RASA1: variants seen among roughly 807,000 people sequenced by gnomAD.
RASA1 encodes the protein RAS p21 protein activator 1.
RASA1 carries 25 observed loss-of-function variants against 132.2 expected under a neutral mutation model. The ratio of observed to expected loss-of-function variants is 0.19; its 90% CI spans 0.14 to 0.26. The LOEUF (loss-of-function observed/expected upper bound fraction) is 0.26. RASA1 is among the 10% of genes least tolerant of loss of function. The pLI, the probability that RASA1 is intolerant of heterozygous loss-of-function variation, is 1.00. For missense variants in RASA1, 964 were observed against 1,299.2 expected, an observed-to-expected ratio of 0.74 and a Z score of 3.97; for synonymous variants, 477 against 449.9, an observed-to-expected ratio of 1.06 and a Z score of -0.76.
At chr5:87,384,458 A>T (rs541555744) in intron 21 of RASA1, among the ~76,000 whole-genome samples, 4 of 152,262 alleles carry the variant, frequency 2.6e-5, no homozygotes, top group Admixed American at 2.0e-4. Context: ...GAAGCTCAAA[A>T]TTGTACTAAA....
chr5:87,335,425 T>TG (rs1216175126), intron 4 of RASA1, among the ~76,000 whole-genome samples: 4 of 141,872 alleles, frequency 2.8e-5, no homozygotes, highest in Non-Finnish European at 6.2e-5. Context: ...TGAGGTTTTT[T>TG]TTTTTTTTTT....
intron 1 of RASA1, among the ~76,000 whole-genome samples, chr5:87,314,515 G>T (rs189665024): frequency 1.3e-5 from 2 of 152,348 alleles, no homozygotes; most frequent in East Asian, 3.9e-4. Context: ...CTTTTTGACT[G>T]ATTGGATATG....
intron 18 of RASA1, 146 bp from the exon 19 acceptor site, chr5:87,379,589 C>A: frequency 8.8e-7 from 1 of 1,130,816 alleles, no homozygotes; most frequent in South Asian, 1.7e-5. Context: ...TACTTAAAAA[C>A]TCCCATTATA....
chr5:87,384,960 A>G (rs973973239), intron 21 of RASA1, among the ~76,000 whole-genome samples: 21 of 152,012 alleles, frequency 1.4e-4, no homozygotes, highest in African/African-American at 5.1e-4. Context: ...CTGTCATAAA[A>G]GATGTGAGGA....
At chr5:87,270,981 G>T (rs1253188147) in intron 1 of RASA1, among the ~76,000 whole-genome samples, 2 of 152,156 alleles carry the variant, frequency 1.3e-5, no homozygotes, top group East Asian at 3.9e-4. Context: ...GCTCACGCCT[G>T]TAATCCCAGC....
intron 1 of RASA1, among the ~76,000 whole-genome samples, chr5:87,303,128 G>C (rs1348669020): frequency 6.6e-6 from 1 of 151,960 alleles, no homozygotes; most frequent in Non-Finnish European, 1.5e-5. Flanking sequence ...TAGTCTACTT[G>C]TCTATCTTTA....
Position 87,331,377 on chromosome 5 carries a change from T to C in RASA1, c.569T>C (p.Ile190Thr). 6.2e-7 allele frequency: 1 copy of C among 1,612,260 alleles called. No homozygotes were observed. Among genetic ancestry groups the C allele is most frequent in the Non-Finnish European group, 8.5e-7 (1 of 1,178,340 alleles). Reference sequence around the variant, plus strand: ...TATCACGGAAAACTTGACAGAACGATAGCAGAAGAACGCCTCAGGCAGGCA... The same window carrying C: ...TATCACGGAAAACTTGACAGAACGACAGCAGAAGAACGCCTCAGGCAGGCA... ...QWYHGKLDRT[I>T]AEERLRQAGK... Residue 190 changes from isoleucine (I) to threonine (T), a missense_variant, in exon 2 of 25, where the codon ATA becomes ACA. This residue lies in a region of RASA1 where 326 missense variants were observed against 275.8 expected (regional missense o/e 1.18). Transcript: ENST00000274376.
chr5:87,292,606 T>C (rs1177510035), intron 1 of RASA1, among the ~76,000 whole-genome samples: 2 of 152,180 alleles, frequency 1.3e-5, no homozygotes, highest in Non-Finnish European at 2.9e-5. Flanking sequence ...CCTCCGACTT[T>C]TTCTTTCAAT....
At chr5:87,375,012 A>G (rs1361412945) in intron 15 of RASA1, 96 bp downstream of exon 15, 2 of 1,422,360 alleles carry the variant, frequency 1.4e-6, no homozygotes, top group East Asian at 4.9e-5. Flanking sequence ...TTAAAAAAAC[A>G]GAAATGCAAG....
In RASA1 at chr5:87,357,729, T is replaced by C. The variant is rs185083475; in HGVS notation, c.1332+4494T>C. On this transcript the variant is annotated intron_variant, in intron 9 of 24. Coordinates refer to ENST00000274376, the MANE Select transcript of RASA1 (RefSeq NM_002890.3). ...CAAAAAAAAAGAAAAACAAATAGTATGTGGCATCTAATAAACTTGCAGTAT... is the reference window on the plus strand; with the variant it reads ...CAAAAAAAAAGAAAAACAAATAGTACGTGGCATCTAATAAACTTGCAGTAT... Among the ~76,000 whole-genome samples the C allele has an allele frequency of 2.6e-5, 4 of 152,204 alleles. No homozygotes were observed. In the East Asian group the frequency reaches 5.8e-4, roughly 22 times the overall value.
At chr5:87,292,235 T>A (rs575924378) in intron 1 of RASA1, among the ~76,000 whole-genome samples, 2 of 152,284 alleles carry the variant, frequency 1.3e-5, no homozygotes, top group South Asian at 4.1e-4. Context: ...TGAGAAGGCA[T>A]CACCATAGCC....
intron 14 of RASA1, among the ~76,000 whole-genome samples, 160 bp downstream of exon 14, chr5:87,374,480 T>A (rs970472003): frequency 2.0e-5 from 3 of 149,066 alleles, no homozygotes; most frequent in Non-Finnish European, 4.5e-5. Context: ...TTTTTTCTGT[T>A]GTTTGTTCAC....
intron 1 of RASA1, among the ~76,000 whole-genome samples, chr5:87,289,709 C>G (rs940140921): frequency 5.3e-5 from 8 of 152,130 alleles, no homozygotes; most frequent in Non-Finnish European, 1.2e-4. Flanking sequence ...CTCCCAGGTT[C>G]AAGCGATCTT....
intron 1 of RASA1, chr5:87,269,429 T>G (rs10051880): frequency 1.9e-6 from 2 of 1,032,196 alleles, no homozygotes; most frequent in South Asian, 3.1e-5. Context: ...AGTAATAATT[T>G]GAAAAATGTA....
At chr5:87,339,031 CCCTTT>C (rs1212220735) in intron 5 of RASA1, among the ~76,000 whole-genome samples, 4 of 152,116 alleles carry the variant, frequency 2.6e-5, no homozygotes, top group African/African-American at 7.2e-5. Flanking sequence ...TTGGAATTCT[CCCTTT>C]CCTTTCGGAT....
chr5:87,357,602 G>A (rs929102966), intron 9 of RASA1, among the ~76,000 whole-genome samples: 13 of 152,126 alleles, frequency 8.5e-5, no homozygotes, highest in Non-Finnish European at 1.8e-4. Context: ...CTACTCTGGA[G>A]GCTGAGGCAG....
chr5:87,324,374 T>G (rs1757064484), intron 1 of RASA1, among the ~76,000 whole-genome samples: 1 of 152,174 alleles, frequency 6.6e-6, no homozygotes, highest in Non-Finnish European at 1.5e-5. Flanking sequence ...CGTTATCTGT[T>G]TACTAGGGTG....
chr5:87,376,640 A>T, intron 16 of RASA1, 75 bp downstream of exon 16: 1 of 1,511,608 alleles, frequency 6.6e-7, no homozygotes, highest in Non-Finnish European at 9.1e-7. Flanking sequence ...AGATCCATTA[A>T]GGTAAACATA....
In RASA1 at chr5:87,388,731, A is replaced by G. The variant is rs560671081; in HGVS notation, c.2926-662A>G. ...ATAATTGCAAACCTGACAGGTTCTCATTGCATTTTCATAGTGCAGTTCCTA... is the reference window on the plus strand; with the variant it reads ...ATAATTGCAAACCTGACAGGTTCTCGTTGCATTTTCATAGTGCAGTTCCTA... On this transcript the variant is annotated intron_variant, in intron 23 of 24. Coordinates refer to ENST00000274376, the MANE Select transcript of RASA1 (RefSeq NM_002890.3). Among the ~76,000 whole-genome samples the G allele has an allele frequency of 1.7e-3, 252 of 149,582 alleles. 1 individual carries two copies. Among genetic ancestry groups the G allele is most frequent in the Non-Finnish European group, 2.4e-3 (165 of 68,014 alleles).
Sources: gnomAD v4.1 joint callset for allele counts (sites outside exome capture counted in the v4.1 genomes callset) on GRCh38, gnomAD v4.1.1 for gene constraint, gnomAD v4.1.1 regional missense constraint, MANE v1.5 for transcripts, NCBI Gene and HGNC (gene_info 2026-07-23, HGNC 2026-07-21) for gene names.